The following ARHGEF3 variants were observed in gnomAD, a reference collection of about 807,000 sequenced individuals.
ARHGEF3 encodes the protein 59.8 kDA protein.
A neutral mutation model predicts 63.2 loss-of-function variants in ARHGEF3; 28 were observed. The ratio of observed to expected loss-of-function variants is 0.44; its 90% CI spans 0.33 to 0.61. The LOEUF (loss-of-function observed/expected upper bound fraction) is 0.61, where lower values mean the gene tolerates loss of function less well. Ranked by LOEUF, ARHGEF3 falls within the 20% of genes least tolerant of loss-of-function variation. The probability of loss-of-function intolerance (pLI) is 0.03; values close to 1 mark genes in which losing one functional copy is unlikely to be tolerated. For synonymous variants in ARHGEF3, 266 were observed against 254.2 expected, an observed-to-expected ratio of 1.05 and a Z score of -0.44; for missense variants, 533 against 659.3, an observed-to-expected ratio of 0.81 and a Z score of 2.10.
chr3:56,758,718 C>T (rs1401976744), intron 2 of ARHGEF3, among the ~76,000 whole-genome samples: 1 of 152,104 alleles, frequency 6.6e-6, no homozygotes, highest in Non-Finnish European at 1.5e-5. Context: ...AAAAACAGTC[C>T]CTTGTAAACA....
At chr3:56,855,115 G>A (rs1415749905) in intron 4 of ARHGEF3, among the ~76,000 whole-genome samples, 2 of 152,072 alleles carry the variant, frequency 1.3e-5, no homozygotes, top group South Asian at 4.2e-4. Flanking sequence ...TCAGAGGAGG[G>A]GAAAAGGAGG....
At chr3:56,931,693 T>C (rs564816543) in intron 3 of ARHGEF3, among the ~76,000 whole-genome samples, 2 of 151,656 alleles carry the variant, frequency 1.3e-5, no homozygotes, top group African/African-American at 2.4e-5. Context: ...CAGGCTGCCA[T>C]ATTAGGTATT....
intron 3 of ARHGEF3, among the ~76,000 whole-genome samples, chr3:56,888,052 G>A (rs1417194570): frequency 6.7e-6 from 1 of 149,328 alleles, no homozygotes; most frequent in Non-Finnish European, 1.5e-5. Context: ...AAATCTCCTT[G>A]GAGAAAAAAC....
intron 2 of ARHGEF3, among the ~76,000 whole-genome samples, chr3:56,986,827 A>G (rs1579026617): frequency 6.6e-6 from 1 of 152,250 alleles, no homozygotes; most frequent in East Asian, 1.9e-4. Context: ...AAAAGATAAA[A>G]ATAAAAATAG....
At chr3:57,024,158 G>A (rs1253137109) in intron 2 of ARHGEF3, among the ~76,000 whole-genome samples, 1 of 152,056 alleles carries the variant, frequency 6.6e-6, no homozygotes, top group Non-Finnish European at 1.5e-5. Context: ...ACTCCCCAAA[G>A]TGCCCATTCC....
chr3:56,806,203 C>T (rs573457523), upstream of ARHGEF3, among the ~76,000 whole-genome samples: 37 of 152,340 alleles, frequency 2.4e-4, no homozygotes, highest in Admixed American at 1.5e-3. Context: ...TTTAGGCAAT[C>T]TGCCTGAGAC....
chr3:57,000,214 A>G (rs1382372517), intron 2 of ARHGEF3, among the ~76,000 whole-genome samples: 2 of 152,116 alleles, frequency 1.3e-5, no homozygotes, highest in Admixed American at 6.6e-5. Flanking sequence ...CGCCCCACGT[A>G]TCTTCAGAAA....
rs563722806 is a variant in ARHGEF3 at position 56,759,956 on chromosome 3, C to T, written c.205-4805G>A. On this transcript the variant is annotated intron_variant, in intron 2 of 9. Transcript: ENST00000296315. ...AAACATTTCCATTACCTCAAATTCA[C>T]GTATTCTTTTTAATGGCTGCAGAAT... Among the ~76,000 whole-genome samples, 8 of 152,310 alleles carry T rather than the reference C, an allele frequency of 5.3e-5. No individual in the cohort carries two copies. The South Asian group carries it at 1.2e-3, about 24-fold the overall frequency.
At chr3:56,908,176 G>C (rs556007886) in intron 3 of ARHGEF3, among the ~76,000 whole-genome samples, 4 of 152,272 alleles carry the variant, frequency 2.6e-5, no homozygotes, top group African/African-American at 9.6e-5. Flanking sequence ...TTCCCACCTG[G>C]GCAGCCACAG....
chr3:56,970,103 G>A (rs933986169), intron 2 of ARHGEF3, among the ~76,000 whole-genome samples: 2 of 152,144 alleles, frequency 1.3e-5, no homozygotes, highest in Non-Finnish European at 2.9e-5. Flanking sequence ...AAAAGGTTCT[G>A]GAATTCGATA....
chr3:56,907,075 G>A (rs182212680), intron 3 of ARHGEF3, among the ~76,000 whole-genome samples: 2 of 140,096 alleles, frequency 1.4e-5, no homozygotes, highest in East Asian at 2.2e-4. Context: ...TCTGCCTCCT[G>A]GGTTCAAGTG....
At chr3:56,868,658 C>T (rs977534722) in intron 4 of ARHGEF3, among the ~76,000 whole-genome samples, 5 of 152,158 alleles carry the variant, frequency 3.3e-5, no homozygotes, top group African/African-American at 1.2e-4. Flanking sequence ...CCACTGCGCC[C>T]AGCCAGTTTC....
intron 3 of ARHGEF3, among the ~76,000 whole-genome samples, chr3:56,951,205 C>A (rs1699793608): frequency 6.6e-6 from 1 of 151,348 alleles, no homozygotes; most frequent in African/African-American, 2.4e-5. Context: ...GTGCAGCACA[C>A]CAACATGGCA....
At chr3:56,853,537 G>C (rs1259451337) in intron 4 of ARHGEF3, among the ~76,000 whole-genome samples, 1 of 151,984 alleles carries the variant, frequency 6.6e-6, no homozygotes, top group Admixed American at 6.6e-5. Flanking sequence ...GGGTTTCACT[G>C]TATTGGCCAG....
At chr3:57,052,925 C>T (rs868101302) in intron 1 of ARHGEF3, among the ~76,000 whole-genome samples, 2 of 152,152 alleles carry the variant, frequency 1.3e-5, no homozygotes, top group South Asian at 4.1e-4. Flanking sequence ...AGGGCTGCCC[C>T]AGGCCATCAA....
intron 2 of ARHGEF3, among the ~76,000 whole-genome samples, chr3:57,000,308 TCCCACACACA>T (rs1273323600): frequency 2.2e-4 from 6 of 27,164 alleles, no homozygotes; most frequent in Admixed American, 7.9e-4. Flanking sequence ...AGAGGGTAAC[TCCCACACACA>T]CACACACACA....
intron 2 of ARHGEF3, among the ~76,000 whole-genome samples, chr3:56,990,546 A>G (rs1405585626): frequency 6.6e-6 from 1 of 152,218 alleles, no homozygotes; most frequent in African/African-American, 2.4e-5. Flanking sequence ...AGATCATGCC[A>G]CTACCTGAGA....
At chr3:56,953,575 T>C (rs1375985499) in intron 3 of ARHGEF3, among the ~76,000 whole-genome samples, 1 of 152,174 alleles carries the variant, frequency 6.6e-6, no homozygotes, top group Non-Finnish European at 1.5e-5. Context: ...CAGAGCCCTG[T>C]CCACCTGGCT....
At chr3:56,737,642 T>A (rs2033721197) in intron 7 of ARHGEF3, among the ~76,000 whole-genome samples, 1 of 152,186 alleles carries the variant, frequency 6.6e-6, no homozygotes, top group African/African-American at 2.4e-5. Flanking sequence ...GGAGGAAGAA[T>A]ACCTATTGAA....
Sources: gnomAD v4.1 joint callset for allele counts (sites outside exome capture counted in the v4.1 genomes callset) on GRCh38, gnomAD v4.1.1 for gene constraint, MANE v1.5 for transcripts, NCBI Gene and HGNC (gene_info 2026-07-23, HGNC 2026-07-21) for gene names.